UBR4: variants seen among roughly 807,000 people sequenced by gnomAD.
UBR4 encodes the protein E3 ubiquitin-protein ligase UBR4.
In UBR4, 124 loss-of-function variants were observed where a neutral mutation model predicts 575.6. That is an observed-to-expected ratio of 0.22 (90% confidence interval 0.19 to 0.25). The LOEUF (loss-of-function observed/expected upper bound fraction) is 0.25, where lower values mean the gene tolerates loss of function less well. Among genes scored for constraint, UBR4 ranks in the 10% least tolerant of loss-of-function variants. UBR4 has a pLI of 1.00. For missense variants in UBR4, 4,818 were observed against 6,478.8 expected, an observed-to-expected ratio of 0.74 and a Z score of 8.80; for synonymous variants, 2,455 against 2,473.7, an observed-to-expected ratio of 0.99 and a Z score of 0.22.
In UBR4 at chr1:19,184,136, A is replaced by T; in HGVS notation, c.1978T>A (p.Ser660Thr). The change falls in exon 16 of 106, where the codon TCT (serine) becomes ACT (threonine). Residue 660 changes from serine to threonine, a missense_variant. Transcript: ENST00000375254. Reference sequence around the variant, plus strand: ...TTGTTCCGAGAGTTCAGCATGGAAGAGGTGATGAAGTTCAAAATGTTGGAA... The same window carrying T: ...TTGTTCCGAGAGTTCAGCATGGAAGTGGTGATGAAGTTCAAAATGTTGGAA... ...LASNILNFIT[S>T]SMLNSRNNFI... 6.2e-7 allele frequency: 1 copy of T among 1,614,212 alleles called. No homozygotes were observed. Among genetic ancestry groups the T allele is most frequent in the Non-Finnish European group, 8.5e-7 (1 of 1,180,022 alleles).
At position 19,110,010 on chromosome 1, in the gene UBR4, A is replaced by C. The variant is rs2079663503; in HGVS notation, c.12105+86T>G. The C allele has an allele frequency of 6.3e-7, 1 of 1,587,650 alleles. No homozygotes were observed. Among genetic ancestry groups the C allele is most frequent in the Non-Finnish European group, 8.6e-7 (1 of 1,164,910 alleles). ...GAGGTGGGCTCAAGGCAAAGCGGAG[A>C]CCATGAGGAGGCAGGGCACACTGCC... On this transcript the variant is annotated intron_variant, in intron 81 of 105. Coordinates refer to ENST00000375254, the MANE Select transcript of UBR4 (RefSeq NM_020765.3). The surrounding 1 kb of genome is among the most constrained non-coding windows in gnomAD (Gnocchi z 4.5).
chr1:19,103,019 C>T (rs553963622), intron 87 of UBR4, among the ~76,000 whole-genome samples: 8 of 152,276 alleles, frequency 5.3e-5, no homozygotes, highest in African/African-American at 9.6e-5. Context: ...GACAGCAGTA[C>T]CCTGCACTGC....
At chr1:19,187,789 A>G (rs2091687019) in intron 11 of UBR4, among the ~76,000 whole-genome samples, 1 of 152,154 alleles carries the variant, frequency 6.6e-6, no homozygotes, top group Non-Finnish European at 1.5e-5. Context: ...TAGGCTGGGC[A>G]CGGTGGCTCA....
chr1:19,192,843 C>T (rs1445956156), intron 9 of UBR4, among the ~76,000 whole-genome samples: 4 of 151,854 alleles, frequency 2.6e-5, no homozygotes, highest in Non-Finnish European at 5.9e-5. Context: ...AGTACGATGG[C>T]GTGATCCCGG....
chr1:19,077,418 G>A (rs1160633344), intron 104 of UBR4, among the ~76,000 whole-genome samples: 2 of 152,220 alleles, frequency 1.3e-5, no homozygotes, highest in Non-Finnish European at 2.9e-5. Flanking sequence ...AGGCTCGGGA[G>A]CAGGTGACAG....
At chr1:19,146,582 T>C (rs944250923) in intron 52 of UBR4, among the ~76,000 whole-genome samples, 14 of 152,228 alleles carry the variant, frequency 9.2e-5, no homozygotes, top group African/African-American at 2.9e-4. Flanking sequence ...AGACAGATTA[T>C]ATCTGATGTC....
At chr1:19,187,593 C>T (rs1388424169) in intron 11 of UBR4, 53 bp from the exon 12 acceptor site, 2 of 1,576,606 alleles carry the variant, frequency 1.3e-6, no homozygotes, top group Non-Finnish European at 8.7e-7. Context: ...CAATAAATTA[C>T]AACTTCTGAA....
chr1:19,197,896 A>C, intron 6 of UBR4, 51 bp downstream of exon 6: 1 of 1,612,306 alleles, frequency 6.2e-7, no homozygotes, highest in Non-Finnish European at 8.5e-7. Flanking sequence ...ACACTTAAGG[A>C]ATTTTTGACA....
chr1:19,147,848 A>G, intron 51 of UBR4, 145 bp downstream of exon 51: 1 of 1,272,406 alleles, frequency 7.9e-7, no homozygotes, highest in East Asian at 2.6e-5. Context: ...AGAATTTCTC[A>G]GGAGAAACTC....
At chr1:19,104,464 C>A in intron 86 of UBR4, 121 bp downstream of exon 86, 2 of 1,231,686 alleles carry the variant, frequency 1.6e-6, no homozygotes, top group African/African-American at 1.5e-5. Context: ...AAATGCAGAG[C>A]TTAAATCTGC....
Position 19,120,368 on chromosome 1 carries a change from C to T in UBR4, c.10142-20G>A, listed in dbSNP as rs1557665364. The T allele has an allele frequency of 5.6e-6, 9 of 1,612,132 alleles. No individual in the cohort carries two copies. Among genetic ancestry groups the T allele is most frequent in the Non-Finnish European group, 7.6e-6 (9 of 1,178,500 alleles). On this transcript the variant is annotated intron_variant, in intron 68 of 105. Coordinates refer to ENST00000375254, the MANE Select transcript of UBR4 (RefSeq NM_020765.3). ...TCTCACCTGCAAGATTAGGACAGGACTAAGGGCTGAAGAGTAGGAAGAAGT... is the reference window on the plus strand; with the variant it reads ...TCTCACCTGCAAGATTAGGACAGGATTAAGGGCTGAAGAGTAGGAAGAAGT...
chr1:19,175,139 TTAACAA>T, intron 20 of UBR4, 106 bp from the exon 21 acceptor site: 1 of 1,062,320 alleles, frequency 9.4e-7, no homozygotes, highest in Non-Finnish European at 1.3e-6. Flanking sequence ...TTTCCCAACC[TTAACAA>T]TATTGACATC....
In UBR4 at chr1:19,120,137, C is replaced by T. The variant is rs778780877; in HGVS notation, c.10310+43G>A. On this transcript the variant is annotated intron_variant, in intron 69 of 105. Transcript: ENST00000375254. Reference sequence around the variant, plus strand: ...AATAGAACTGCATTACGCACCCTGGCCTCACACCCTTGCAGATCTGTCAAA... The same window carrying T: ...AATAGAACTGCATTACGCACCCTGGTCTCACACCCTTGCAGATCTGTCAAA... The T allele has an allele frequency of 1.1e-4, 182 of 1,604,678 alleles. 4 individuals carry two copies. The South Asian group carries it at 2.0e-3, about 17-fold the overall frequency.
chr1:19,192,637 A>G, intron 9 of UBR4, 97 bp from the exon 10 acceptor site: 1 of 1,288,058 alleles, frequency 7.8e-7, no homozygotes. Flanking sequence ...GAAGAGTTCA[A>G]TATCCTCTTT....
chr1:19,076,629 G>C, intron 105 of UBR4, 111 bp downstream of exon 105: 1 of 1,454,250 alleles, frequency 6.9e-7, no homozygotes, highest in African/African-American at 1.4e-5. Flanking sequence ...TGACAGGCTG[G>C]TTCATACTGC....
rs2092163609 is a variant in UBR4 at position 19,192,514 on chromosome 1, T to C, written c.1170A>G (p.Gln390=). 3 of 1,614,174 alleles carry C rather than the reference T, an allele frequency of 1.9e-6. No homozygotes were observed. The highest frequency in any genetic ancestry group is 2.5e-6 in the Non-Finnish European group (3 of 1,179,996). The stretch of plus-strand genomic sequence containing the variant: ...CAGCCCGGCGAGAACTGCTGATTGC[T>C]TGTCCAATCATGTCATAGATTTCGA... The part of the protein sequence containing the change: ...KCLEIYDMIG[Q]AISSSRRAGG... The change falls in exon 10 of 106, where the codon CAA becomes CAG. Residue 390 remains glutamine (Q), a synonymous_variant. Transcript: ENST00000375254.
At chr1:19,182,801 G>GA (rs1278448921) in intron 17 of UBR4, among the ~76,000 whole-genome samples, 2 of 152,020 alleles carry the variant, frequency 1.3e-5, no homozygotes, top group African/African-American at 2.4e-5. Context: ...CATACTACAT[G>GA]AAAAAAGAGA....
intron 30 of UBR4, 136 bp from the exon 31 acceptor site, chr1:19,165,485 T>A: frequency 9.6e-7 from 1 of 1,038,388 alleles, no homozygotes; most frequent in South Asian, 1.5e-5. Flanking sequence ...TTCATGAAAT[T>A]AACCCCCTCA....
intron 1 of UBR4, among the ~76,000 whole-genome samples, chr1:19,204,827 T>G (rs944475730): frequency 3.3e-5 from 5 of 152,096 alleles, no homozygotes; most frequent in Non-Finnish European, 5.9e-5. Flanking sequence ...ATCTCTTGAT[T>G]TTAAAGAAAC....
Sources: allele counts gnomAD v4.1 joint callset (sites outside exome capture counted in the v4.1 genomes callset), GRCh38; gene constraint gnomAD v4.1.1; non-coding constraint Gnocchi (gnomAD v3.1); transcripts MANE v1.5; gene names NCBI Gene and HGNC (gene_info 2026-07-23, HGNC 2026-07-21).